CTNNBL1: variants seen among roughly 807,000 people sequenced by gnomAD.
The protein encoded by CTNNBL1 is beta-catenin-like protein 1.
In CTNNBL1, 31 loss-of-function variants were observed where a neutral mutation model predicts 72.7. The observed-to-expected ratio is 0.43, with a 90% CI of 0.32 to 0.58. The LOEUF (loss-of-function observed/expected upper bound fraction) is 0.58. CTNNBL1 is among the 20% of genes least tolerant of loss of function. The probability of loss-of-function intolerance (pLI) is 0.08; values close to 1 mark genes in which losing one functional copy is unlikely to be tolerated. For synonymous variants in CTNNBL1, 240 were observed against 267.3 expected, an observed-to-expected ratio of 0.90 and a Z score of 1.00; for missense variants, 534 against 725.1, an observed-to-expected ratio of 0.74 and a Z score of 3.03.
chr20:37,839,610 C>T (rs1483623864), intron 11 of CTNNBL1, among the ~76,000 whole-genome samples: 2 of 152,202 alleles, frequency 1.3e-5, no homozygotes, highest in African/African-American at 2.4e-5. Flanking sequence ...ATGTTAGCTG[C>T]ACCAGAATGT....
intron 7 of CTNNBL1, among the ~76,000 whole-genome samples, chr20:37,774,979 A>AT (rs2073561161): frequency 6.6e-6 from 1 of 152,138 alleles, no homozygotes; most frequent in Non-Finnish European, 1.5e-5. Flanking sequence ...AGATGAGGAA[A>AT]CTGAGACTGA....
At chr20:37,779,143 C>T in intron 9 of CTNNBL1, 44 bp from the exon 10 acceptor site, 3 of 1,600,762 alleles carry the variant, frequency 1.9e-6, no homozygotes, top group Non-Finnish European at 2.6e-6. Flanking sequence ...CATGAAAAGA[C>T]ATTCTCTTAT....
intron 1 of CTNNBL1, among the ~76,000 whole-genome samples, chr20:37,713,671 T>C (rs925511971): frequency 5.9e-5 from 9 of 152,206 alleles, no homozygotes; most frequent in Non-Finnish European, 2.9e-5. Flanking sequence ...ATTTGACAGA[T>C]TGACTTTGTG....
chr20:37,783,544 A>T (rs1227754263), intron 10 of CTNNBL1, among the ~76,000 whole-genome samples: 3 of 151,994 alleles, frequency 2.0e-5, no homozygotes, highest in Non-Finnish European at 4.4e-5. Context: ...TATCCCATAA[A>T]TTTTGGTATG....
chr20:37,709,875 C>T (rs1191244740), intron 1 of CTNNBL1, among the ~76,000 whole-genome samples: 1 of 152,058 alleles, frequency 6.6e-6, no homozygotes, highest in Non-Finnish European at 1.5e-5. Context: ...AATGTGATGC[C>T]CTTCAGAAAC....
intron 13 of CTNNBL1, among the ~76,000 whole-genome samples, chr20:37,842,789 A>G (rs989797569): frequency 3.3e-5 from 5 of 152,234 alleles, no homozygotes; most frequent in African/African-American, 1.2e-4. Context: ...TGAAGGAGGC[A>G]TGCTGAGGAA....
intron 5 of CTNNBL1, among the ~76,000 whole-genome samples, chr20:37,760,814 G>C (rs1600470687): frequency 6.6e-6 from 1 of 152,290 alleles, no homozygotes; most frequent in African/African-American, 2.4e-5. Context: ...GCAAATGTCA[G>C]GTTAAAATTG....
At chr20:37,870,343 C>T (rs760112975) in intron 15 of CTNNBL1, among the ~76,000 whole-genome samples, 5 of 152,142 alleles carry the variant, frequency 3.3e-5, no homozygotes, top group Admixed American at 6.5e-5. Context: ...CCCGAATACA[C>T]CCAGCTGTCG....
At chr20:37,846,914 T>C (rs571015757) in intron 13 of CTNNBL1, among the ~76,000 whole-genome samples, 74 of 152,288 alleles carry the variant, frequency 4.9e-4, no homozygotes, top group Admixed American at 1.4e-3. Flanking sequence ...ATTATTTCAT[T>C]TATTTGTTTA....
chr20:37,772,127 T>G (rs1030896993), intron 7 of CTNNBL1, among the ~76,000 whole-genome samples: 1 of 152,228 alleles, frequency 6.6e-6, no homozygotes, highest in African/African-American at 2.4e-5. Context: ...AATATTCTTA[T>G]GTGTGCTGAT....
At chr20:37,738,476 G>T (rs907266869) in intron 3 of CTNNBL1, among the ~76,000 whole-genome samples, 9 of 152,170 alleles carry the variant, frequency 5.9e-5, no homozygotes, top group African/African-American at 2.2e-4. Flanking sequence ...TAACCAAGGG[G>T]ACTTTCACAT....
intron 12 of CTNNBL1, among the ~76,000 whole-genome samples, chr20:37,841,845 C>T (rs780106606): frequency 5.9e-5 from 9 of 152,152 alleles, no homozygotes; most frequent in Non-Finnish European, 1.2e-4. Context: ...TTTTCTTGCT[C>T]TCTCTTCTGA....
intron 5 of CTNNBL1, among the ~76,000 whole-genome samples, chr20:37,759,178 T>G (rs1307678274): frequency 6.6e-6 from 1 of 152,256 alleles, no homozygotes; most frequent in Non-Finnish European, 1.5e-5. Flanking sequence ...CATTTATTTT[T>G]CGTTTGAACC....
intron 13 of CTNNBL1, among the ~76,000 whole-genome samples, chr20:37,843,635 C>A (rs187415304): frequency 6.6e-6 from 1 of 152,204 alleles, no homozygotes; most frequent in Non-Finnish European, 1.5e-5. Context: ...CCTATCACTG[C>A]GCTTTTAATT....
chr20:37,735,390 T>TA (rs572232092), intron 2 of CTNNBL1, among the ~76,000 whole-genome samples: 52 of 152,352 alleles, frequency 3.4e-4, no homozygotes, highest in Admixed American at 2.2e-3. Flanking sequence ...GCCAGATCCT[T>TA]ACGTAGATCA....
At chr20:37,789,637 T>C (rs1715393235) in intron 10 of CTNNBL1, among the ~76,000 whole-genome samples, 1 of 152,216 alleles carries the variant, frequency 6.6e-6, no homozygotes, top group Non-Finnish European at 1.5e-5. Flanking sequence ...TACAGATACC[T>C]CTCTTTGGTA....
intron 1 of CTNNBL1, among the ~76,000 whole-genome samples, chr20:37,721,047 A>G (rs765721576): frequency 4.5e-4 from 68 of 152,102 alleles, no homozygotes; most frequent in Non-Finnish European, 8.2e-4. Flanking sequence ...GTGAAGGGGG[A>G]TGGAAGGTGA....
intron 1 of CTNNBL1, among the ~76,000 whole-genome samples, chr20:37,708,393 A>G (rs2072908256): frequency 6.6e-6 from 1 of 152,054 alleles, no homozygotes; most frequent in Non-Finnish European, 1.5e-5. Context: ...TCTGGTCTGA[A>G]ACTCTTGGGC....
chr20:37,861,331 C>T (rs1419643086), intron 15 of CTNNBL1, among the ~76,000 whole-genome samples: 1 of 152,214 alleles, frequency 6.6e-6, no homozygotes, highest in Non-Finnish European at 1.5e-5. Flanking sequence ...CCCCCAGTTA[C>T]AAGGCGGGGC....
Sources: gnomAD v4.1 joint callset for allele counts (sites outside exome capture counted in the v4.1 genomes callset) on GRCh38, gnomAD v4.1.1 for gene constraint, MANE v1.5 for transcripts, NCBI Gene and HGNC (gene_info 2026-07-23, HGNC 2026-07-21) for gene names.